SASH1: variants seen among roughly 807,000 people sequenced by gnomAD.
SASH1 encodes SAM and SH3 domain containing 1.
Under a neutral mutation model 125.2 loss-of-function variants are expected in SASH1, and 44 were observed. The ratio of observed to expected loss-of-function variants is 0.35; its 90% CI spans 0.28 to 0.45. The LOEUF (loss-of-function observed/expected upper bound fraction) is 0.45. SASH1 is among the 20% of genes least tolerant of loss of function. The pLI is 1.00. For synonymous variants in SASH1, 639 were observed against 649.1 expected, an observed-to-expected ratio of 0.98 and a Z score of 0.24; for missense variants, 1,426 against 1,614.5, an observed-to-expected ratio of 0.88 and a Z score of 2.00.
At chr6:148,350,090 T>C (rs576566932) in intron 1 of SASH1, among the ~76,000 whole-genome samples, 113 of 151,868 alleles carry the variant, frequency 7.4e-4, no homozygotes, top group Non-Finnish European at 8.0e-4. Context: ...CGTGATCCAC[T>C]CACCTCGGCC....
rs145118437 is a variant in SASH1 at position 148,482,739 on chromosome 6, A to T, written c.628-4875A>T. ...AGTCTTGCTCTGTCGCCCAGGCTAGAGTGCAGTGGCGCGATCTTGGCTCAC... is the reference window on the plus strand; with the variant it reads ...AGTCTTGCTCTGTCGCCCAGGCTAGTGTGCAGTGGCGCGATCTTGGCTCAC... On this transcript the variant is annotated intron_variant, in intron 7 of 19. Coordinates refer to ENST00000367467, the MANE Select transcript of SASH1 (RefSeq NM_015278.5). 2.5e-3 allele frequency among the ~76,000 whole-genome samples: 348 copies of T among 137,422 alleles called. 2 individuals are homozygous for T. Among genetic ancestry groups the T allele is most frequent in the African/African-American group, 9.4e-3 (334 of 35,430 alleles). 90.2% of individuals were successfully genotyped at this position (137,422 alleles called of 152,430 possible).
intron 10 of SASH1, among the ~76,000 whole-genome samples, chr6:148,523,084 TAAATG>T (rs1271595076): frequency 2.0e-5 from 3 of 152,224 alleles, no homozygotes; most frequent in South Asian, 2.1e-4. Context: ...TGTGAAAACT[TAAATG>T]AGATTCTAAT....
chr6:148,490,746 A>C (rs1395985176), intron 8 of SASH1, among the ~76,000 whole-genome samples: 2 of 152,062 alleles, frequency 1.3e-5, no homozygotes, highest in Admixed American at 1.3e-4. Flanking sequence ...GAAAACGCTG[A>C]TGGTTTTCCA....
At chr6:148,254,800 G>C in the SASH1 span, among the ~76,000 whole-genome samples, 1 of 152,168 alleles carries the variant, frequency 6.6e-6, no homozygotes, top group South Asian at 2.1e-4. Context: ...GAGTATGGCA[G>C]TTCTTCAAAG....
In SASH1 at chr6:148,548,406, C is replaced by T. The variant is rs746265225; in HGVS notation, c.3592C>T (p.Leu1198Phe). ...SIGLPMYAGT[L>F]STAGFSTLSQ... Reference sequence around the variant, plus strand: ...CGGTCTGCCCATGTACGCCGGCACCCTCTCCACCGCGGGCTTCAGCACACT... The same window carrying T: ...CGGTCTGCCCATGTACGCCGGCACCTTCTCCACCGCGGGCTTCAGCACACT... Residue 1198 changes from leucine (L) to phenylalanine (F), a missense_variant, in exon 20 of 20, where the codon CTC becomes TTC. Transcript: ENST00000367467. 1 of 1,614,210 alleles carries T rather than the reference C, an allele frequency of 6.2e-7. No homozygotes were observed. Among genetic ancestry groups the T allele is most frequent in the South Asian group, 1.1e-5 (1 of 91,082 alleles).
intron 1 of SASH1, among the ~76,000 whole-genome samples, chr6:148,320,383 C>T (rs1011036149): frequency 6.6e-6 from 1 of 152,178 alleles, no homozygotes; most frequent in African/African-American, 2.4e-5. Context: ...TTCTGGCTGG[C>T]CTTTGGGCAG....
At chr6:148,260,527 G>C in the SASH1 span, among the ~76,000 whole-genome samples, 1 of 150,572 alleles carries the variant, frequency 6.6e-6, no homozygotes, top group Non-Finnish European at 1.5e-5. Flanking sequence ...GATCACTTAA[G>C]CCCGGAAGTT....
intron 2 of SASH1, among the ~76,000 whole-genome samples, chr6:148,428,628 T>TA (rs1775926512): frequency 2.1e-4 from 1 of 4,878 alleles, no homozygotes. Context: ...AAACTTTATC[T>TA]CAAAAAAAAA....
chr6:148,283,759 C>T (rs923857335), intron 1 of SASH1, among the ~76,000 whole-genome samples: 8 of 151,720 alleles, frequency 5.3e-5, no homozygotes, highest in African/African-American at 1.5e-4. Context: ...GGGTGAAGAT[C>T]GAGACTCTGT....
At chr6:148,304,567 G>A (rs1467945272) in intron 1 of SASH1, among the ~76,000 whole-genome samples, 7 of 152,106 alleles carry the variant, frequency 4.6e-5, no homozygotes, top group Non-Finnish European at 7.4e-5. Context: ...CCGAGACCAC[G>A]CCACTGCACT....
At position 148,364,022 on chromosome 6, in the gene SASH1, A is replaced by T. The variant is rs115173809; in HGVS notation, c.156+20799A>T. ...ATTCATTCAGAGTAAATGCATTGAG[A>T]GAAATGTCCTCACCAAGTAATATAA... On this transcript the variant is annotated intron_variant, in intron 1 of 19. Coordinates refer to ENST00000367467, the MANE Select transcript of SASH1 (RefSeq NM_015278.5). Among the ~76,000 whole-genome samples, 942 of 152,274 alleles carry T rather than the reference A, an allele frequency of 6.2e-3. 11 individuals are homozygous for T. Among genetic ancestry groups the T allele is most frequent in the African/African-American group, 0.022 (895 of 41,558 alleles).
At chr6:148,458,163 C>T (rs1259117540) in intron 4 of SASH1, among the ~76,000 whole-genome samples, 1 of 152,226 alleles carries the variant, frequency 6.6e-6, no homozygotes, top group Non-Finnish European at 1.5e-5. Flanking sequence ...TCCTACTCTA[C>T]CATCCTTAGT....
the SASH1 span, among the ~76,000 whole-genome samples, chr6:148,194,586 T>G: frequency 5.3e-5 from 8 of 152,210 alleles, no homozygotes; most frequent in African/African-American, 1.9e-4. Context: ...GAAACATTGG[T>G]TTCTAAAGTA....
intron 2 of SASH1, among the ~76,000 whole-genome samples, chr6:148,411,339 A>C (rs958252720): frequency 2.6e-5 from 4 of 152,282 alleles, no homozygotes; most frequent in Admixed American, 2.0e-4. Flanking sequence ...ATACAATATA[A>C]AAATATTTCC....
chr6:148,429,936 T>C (rs1266819875), intron 2 of SASH1, among the ~76,000 whole-genome samples: 1 of 152,152 alleles, frequency 6.6e-6, no homozygotes, highest in African/African-American at 2.4e-5. Flanking sequence ...CAGGAATTTA[T>C]TGGAAGGCCA....
At chr6:148,301,329 A>G (rs1457572725) in intron 1 of SASH1, among the ~76,000 whole-genome samples, 1 of 13,278 alleles carries the variant, frequency 7.5e-5, no homozygotes, top group African/African-American at 3.1e-4. Flanking sequence ...TCCATCTCAA[A>G]AAAAAAAAAA....
chr6:148,413,076 A>G (rs1784689250), intron 2 of SASH1, among the ~76,000 whole-genome samples: 1 of 152,158 alleles, frequency 6.6e-6, no homozygotes, highest in East Asian at 1.9e-4. Context: ...ATTAGTTTGA[A>G]TCTTGTTTAG....
chr6:148,289,494 C>G (rs1779570296), intron 1 of SASH1, among the ~76,000 whole-genome samples: 1 of 152,200 alleles, frequency 6.6e-6, no homozygotes, highest in Non-Finnish European at 1.5e-5. Context: ...AAGGTCTGCC[C>G]CTTACGCATC....
chr6:148,283,631 G>T (rs1779405010), intron 1 of SASH1, among the ~76,000 whole-genome samples: 1 of 152,102 alleles, frequency 6.6e-6, no homozygotes, highest in Non-Finnish European at 1.5e-5. Flanking sequence ...AAAATTAGCT[G>T]GGTGTGGTGG....
Sources: allele counts gnomAD v4.1 joint callset (sites outside exome capture counted in the v4.1 genomes callset), GRCh38; gene constraint gnomAD v4.1.1; transcripts MANE v1.5; gene names NCBI Gene and HGNC (gene_info 2026-07-23, HGNC 2026-07-21).